The following ARHGAP42 variants were observed in gnomAD, a reference collection of about 807,000 sequenced individuals.
The protein encoded by ARHGAP42 is rho GTPase-activating protein 42.
A neutral mutation model predicts 125.0 loss-of-function variants in ARHGAP42; 63 were observed. The ratio of observed to expected loss-of-function variants is 0.50; its 90% confidence interval spans 0.41 to 0.62. The LOEUF is 0.62. Ranked by LOEUF, ARHGAP42 falls within the 20% of genes least tolerant of loss-of-function variation. ARHGAP42 has a pLI of 0.00. For synonymous variants in ARHGAP42, 339 were observed against 351.0 expected, an observed-to-expected ratio of 0.97 and a Z score of 0.38; for missense variants, 766 against 1,024.2, an observed-to-expected ratio of 0.75 and a Z score of 3.44.
intron 4 of ARHGAP42, among the ~76,000 whole-genome samples, chr11:100,880,277 C>T (rs1865926824): frequency 6.6e-6 from 1 of 152,098 alleles, no homozygotes; most frequent in Non-Finnish European, 1.5e-5. Context: ...CCCTAAGTCC[C>T]CAAAGTCCAC....
chr11:100,849,187 T>C (rs1214569197), intron 3 of ARHGAP42, among the ~76,000 whole-genome samples: 1 of 152,076 alleles, frequency 6.6e-6, no homozygotes, highest in East Asian at 1.9e-4. Context: ...TTGTTTGTCA[T>C]ATGTTTTAAA....
At chr11:100,881,699 C>T (rs922213862) in intron 4 of ARHGAP42, among the ~76,000 whole-genome samples, 5 of 152,080 alleles carry the variant, frequency 3.3e-5, no homozygotes, top group East Asian at 1.9e-4. Context: ...TTGATTCTAC[C>T]CATCCGTGAG....
intron 4 of ARHGAP42, among the ~76,000 whole-genome samples, chr11:100,868,458 T>G (rs1865626446): frequency 6.6e-6 from 1 of 152,224 alleles, no homozygotes; most frequent in Non-Finnish European, 1.5e-5. Flanking sequence ...ACAACCAGCC[T>G]ATTAAATAAC....
chr11:100,858,403 C>T (rs1016394496), intron 3 of ARHGAP42, among the ~76,000 whole-genome samples: 5 of 151,974 alleles, frequency 3.3e-5, no homozygotes, highest in Admixed American at 3.3e-4. Context: ...ATCTGTCATT[C>T]TCATTTTTCT....
chr11:100,780,567 G>A (rs939289296), intron 2 of ARHGAP42, among the ~76,000 whole-genome samples: 1 of 152,214 alleles, frequency 6.6e-6, no homozygotes, highest in Admixed American at 6.5e-5. Context: ...CGTTATTGAA[G>A]ACTAATAATA....
chr11:100,737,875 A>T (rs1388375675), intron 1 of ARHGAP42, among the ~76,000 whole-genome samples: 1 of 152,190 alleles, frequency 6.6e-6, no homozygotes, highest in Non-Finnish European at 1.5e-5. Flanking sequence ...TTGCTTGCCT[A>T]TTGCTCATGA....
At chr11:100,706,316 T>G (rs889478593) in intron 1 of ARHGAP42, among the ~76,000 whole-genome samples, 2 of 152,176 alleles carry the variant, frequency 1.3e-5, no homozygotes, top group Admixed American at 6.5e-5. Context: ...GATGGACACA[T>G]GATATATTTT....
chr11:100,749,496 A>G (rs1230001015), intron 1 of ARHGAP42, among the ~76,000 whole-genome samples: 1 of 151,692 alleles, frequency 6.6e-6, no homozygotes, highest in East Asian at 1.9e-4. Flanking sequence ...CCTGCCCCGG[A>G]AGGCTCAACC....
chr11:100,894,786 T>C (rs1866305191), intron 4 of ARHGAP42, among the ~76,000 whole-genome samples: 1 of 152,140 alleles, frequency 6.6e-6, no homozygotes, highest in Admixed American at 6.5e-5. Flanking sequence ...AACCCCAAAC[T>C]AAAAAGGACA....
chr11:100,822,304 TC>T (rs1476681038), intron 3 of ARHGAP42, among the ~76,000 whole-genome samples: 1 of 152,150 alleles, frequency 6.6e-6, no homozygotes, highest in Non-Finnish European at 1.5e-5. Flanking sequence ...TGACTATTTT[TC>T]AACGTTAAAA....
intron 1 of ARHGAP42, among the ~76,000 whole-genome samples, chr11:100,714,079 A>G (rs1273044027): frequency 6.6e-6 from 1 of 152,222 alleles, no homozygotes; most frequent in Admixed American, 6.5e-5. Flanking sequence ...TGGTATCAGT[A>G]TCCTGCAGTT....
intron 3 of ARHGAP42, among the ~76,000 whole-genome samples, chr11:100,821,610 C>CAAA (rs555591908): frequency 9.5e-6 from 1 of 104,982 alleles, no homozygotes; most frequent in Non-Finnish European, 2.1e-5. Context: ...ACTCCCACCA[C>CAAA]AAAAAAAAAA....
chr11:100,914,927 CT>C (rs1192468571), intron 5 of ARHGAP42, among the ~76,000 whole-genome samples: 4 of 151,848 alleles, frequency 2.6e-5, no homozygotes, highest in Non-Finnish European at 5.9e-5. Context: ...CATCTGATGC[CT>C]TTTTTTTCCA....
At chr11:100,965,865 C>A in intron 17 of ARHGAP42, 89 bp downstream of exon 17, 1 of 1,151,250 alleles carries the variant, frequency 8.7e-7, no homozygotes, top group Non-Finnish European at 1.2e-6. Flanking sequence ...GATGTTATAA[C>A]ATTGGTATTA....
At position 100,700,818 on chromosome 11, in the gene ARHGAP42, A is replaced by G. The variant is rs1262485776; in HGVS notation, c.154+12986A>G. On this transcript the variant is annotated intron_variant, in intron 1 of 23. Coordinates refer to ENST00000298815, the MANE Select transcript of ARHGAP42 (RefSeq NM_152432.4). The stretch of plus-strand genomic sequence containing the variant: ...AGGGTTAAAAATCAACTTTTTCCAG[A>G]CTTCTATTAATGATATTTTGACCTC... 3.3e-5 allele frequency among the ~76,000 whole-genome samples: 5 copies of G among 152,200 alleles called. No individual in the cohort carries two copies. The East Asian group carries it at 9.6e-4, about 29-fold the overall frequency.
At chr11:100,961,059 T>C in intron 14 of ARHGAP42, 70 bp downstream of exon 14, 3 of 982,752 alleles carry the variant, frequency 3.1e-6, no homozygotes, top group Non-Finnish European at 4.4e-6. Context: ...TGGACTTCTT[T>C]GACTAGTGCT....
At chr11:100,809,565 C>T (rs1461545961) in intron 3 of ARHGAP42, among the ~76,000 whole-genome samples, 3 of 152,162 alleles carry the variant, frequency 2.0e-5, no homozygotes, top group Non-Finnish European at 4.4e-5. Context: ...ACATTAGAAA[C>T]ATTTACTTAA....
intron 4 of ARHGAP42, among the ~76,000 whole-genome samples, chr11:100,899,290 A>G (rs914250600): frequency 2.0e-5 from 3 of 152,272 alleles, no homozygotes; most frequent in Middle Eastern, 3.4e-3. Context: ...AATAAGTGCA[A>G]TCTGGTGCTG....
intron 2 of ARHGAP42, among the ~76,000 whole-genome samples, chr11:100,779,497 CATAT>C (rs1491535524): frequency 3.4e-5 from 3 of 87,972 alleles, no homozygotes; most frequent in Non-Finnish European, 5.3e-5. Context: ...CACACACACA[CATAT>C]ATACACGTAT....
Sources: gnomAD v4.1 joint callset for allele counts (sites outside exome capture counted in the v4.1 genomes callset) on GRCh38, gnomAD v4.1.1 for gene constraint, MANE v1.5 for transcripts, NCBI Gene and HGNC (gene_info 2026-07-23, HGNC 2026-07-21) for gene names.